The following SETD7 variants were observed in gnomAD, a reference collection of about 807,000 sequenced individuals.
The protein encoded by SETD7 is SET domain containing 7, histone lysine methyltransferase, also known as histone-lysine N-methyltransferase SETD7.
A neutral mutation model predicts 41.8 loss-of-function variants in SETD7; 16 were observed. The observed-to-expected ratio is 0.38, with a 90% CI of 0.26 to 0.58. The LOEUF (loss-of-function observed/expected upper bound fraction) is 0.58, where lower values mean the gene tolerates loss of function less well. Among genes scored for constraint, SETD7 ranks in the 20% least tolerant of loss-of-function variants. The probability of loss-of-function intolerance (pLI) is 0.64; values close to 1 mark genes in which losing one functional copy is unlikely to be tolerated. For synonymous variants in SETD7, 163 were observed against 169.7 expected, an observed-to-expected ratio of 0.96 and a Z score of 0.31; for missense variants, 346 against 459.7, an observed-to-expected ratio of 0.75 and a Z score of 2.26.
chr4:139,518,325 C>T (rs1727086111), intron 6 of SETD7, among the ~76,000 whole-genome samples: 1 of 152,116 alleles, frequency 6.6e-6, no homozygotes, highest in African/African-American at 2.4e-5. Flanking sequence ...GACGGGGTTT[C>T]ACCATGTTGG....
Position 139,507,620 on chromosome 4 carries a change from G to C in SETD7, c.*4043C>G, listed in dbSNP as rs796862793. On this transcript the variant is annotated 3_prime_UTR_variant, in exon 8 of 8. Coordinates refer to ENST00000274031, the MANE Select transcript of SETD7 (RefSeq NM_030648.4). ...CAAACACATTAAAATTTGTGAAAAG[G>C]GTTCCCACCCCTGTGGTTGTATGGC... The C allele has an allele frequency of 6.6e-6, 1 of 152,468 alleles. No homozygotes were observed. The highest frequency in any genetic ancestry group is 2.4e-5 in the African/African-American group (1 of 41,368). 9.4% of individuals were successfully genotyped at this position (152,468 alleles called of 1,614,324 possible). A position where few individuals can be genotyped will look rare whatever the true frequency, so the allele number is the denominator to read the frequency against.
chr4:139,522,741 C>CTTTTTTTTTTTTTTT (rs11357611), intron 5 of SETD7, among the ~76,000 whole-genome samples: 2 of 93,452 alleles, frequency 2.1e-5, no homozygotes, highest in Non-Finnish European at 3.8e-5. Flanking sequence ...CCCAGCTGCT[C>CTTTTTTTTTTTTTTT]TTTTTTTTTT....
intron 1 of SETD7, among the ~76,000 whole-genome samples, chr4:139,547,373 C>A (rs1727989920): frequency 6.6e-6 from 1 of 152,156 alleles, no homozygotes. Flanking sequence ...ATCTGCAGGG[C>A]ATGTCACAAT....
intron 5 of SETD7, among the ~76,000 whole-genome samples, chr4:139,522,739 CTCTTT>C (rs1363375247): frequency 2.2e-5 from 2 of 92,884 alleles, no homozygotes; most frequent in Non-Finnish European, 4.0e-5. Flanking sequence ...GGCCCAGCTG[CTCTTT>C]TTTTTTTTTT....
chr4:139,514,744 G>C (rs1442748515), intron 7 of SETD7, among the ~76,000 whole-genome samples: 1 of 152,236 alleles, frequency 6.6e-6, no homozygotes, highest in African/African-American at 2.4e-5. Flanking sequence ...CCAAACCTCT[G>C]TGCCAAGTGG....
At chr4:139,518,074 G>T in intron 6 of SETD7, 32 bp from the exon 7 acceptor site, 1 of 1,592,150 alleles carries the variant, frequency 6.3e-7, no homozygotes, top group Non-Finnish European at 8.5e-7. Context: ...GCCTTAGAGA[G>T]GACCTTTCTC....
chr4:139,509,874 T>C lies in SETD7; in HGVS notation c.*1789A>G. Reference sequence around the variant, plus strand: ...TCCTCTCATGGGTGAACCATTGGCTTAAGCTTTCAAGCAGGGATCCAACTG... The same window carrying C: ...TCCTCTCATGGGTGAACCATTGGCTCAAGCTTTCAAGCAGGGATCCAACTG... On this transcript the variant is annotated 3_prime_UTR_variant, in exon 8 of 8. Coordinates refer to ENST00000274031, the MANE Select transcript of SETD7 (RefSeq NM_030648.4). The C allele has an allele frequency of 2.0e-6, 2 of 985,406 alleles. No individual in the cohort carries two copies. The highest frequency in any genetic ancestry group is 2.4e-6 in the Non-Finnish European group (2 of 829,914). 61.0% of individuals were successfully genotyped at this position (985,406 alleles called of 1,614,324 possible). A position where few individuals can be genotyped will look rare whatever the true frequency, so the allele number is the denominator to read the frequency against.
intron 3 of SETD7, among the ~76,000 whole-genome samples, chr4:139,529,980 AT>A (rs1038365012): frequency 6.6e-6 from 1 of 152,246 alleles, no homozygotes; most frequent in South Asian, 2.1e-4. Flanking sequence ...TAACTCTTCC[AT>A]TTACTTCATT....
rs756975967 is a variant in SETD7 at position 139,511,618 on chromosome 4, A to T, written c.*45T>A. ...ATTGTCAGATAAACGTAGTGCATAG[A>T]TCCAAGTTTCTATTCCAGGTCTCTG... On this transcript the variant is annotated 3_prime_UTR_variant, in exon 8 of 8. Transcript: ENST00000274031. The T allele has an allele frequency of 3.7e-6, 6 of 1,611,996 alleles. No homozygotes were observed. The highest frequency in any genetic ancestry group is 1.3e-5 in the African/African-American group (1 of 74,716).
At chr4:139,505,060 C>T (rs62323111), downstream of SETD7, among the ~76,000 whole-genome samples, 13,828 of 152,080 alleles carry the variant, frequency 0.091, 816 homozygotes, top group South Asian at 0.17. Context: ...TCATCTCACT[C>T]GTTTCTGTTT....
chr4:139,521,387 T>C (rs1161192780), intron 5 of SETD7, among the ~76,000 whole-genome samples: 3 of 151,286 alleles, frequency 2.0e-5, no homozygotes, highest in Middle Eastern at 3.4e-3. Context: ...AATTGCACCA[T>C]TGCACTCCAG....
chr4:139,504,828 A>G (rs891707612), downstream of SETD7, among the ~76,000 whole-genome samples: 2 of 152,184 alleles, frequency 1.3e-5, no homozygotes, highest in Non-Finnish European at 2.9e-5. Context: ...ATCTTAACCC[A>G]TGAAAGTTGC....
chr4:139,534,024 G>T (rs1727567609), intron 2 of SETD7, among the ~76,000 whole-genome samples: 1 of 151,992 alleles, frequency 6.6e-6, no homozygotes, highest in Non-Finnish European at 1.5e-5. Context: ...CATGATCATG[G>T]CCAGTAGGGG....
At position 139,510,173 on chromosome 4, in the gene SETD7, A is replaced by G. The variant is rs1726830047; in HGVS notation, c.*1490T>C. On this transcript the variant is annotated 3_prime_UTR_variant, in exon 8 of 8. Transcript: ENST00000274031. ...TCAGCTGGAGCTCACTATCTGCTAC[A>G]GCTTGGAAGGCCTTCGCTTTCCAGA... The G allele has an allele frequency of 6.6e-6, 1 of 152,310 alleles. No individual in the cohort carries two copies. Among genetic ancestry groups the G allele is most frequent in the Admixed American group, 6.5e-5 (1 of 15,286 alleles). 9.4% of individuals were successfully genotyped at this position (152,310 alleles called of 1,614,324 possible).
intron 7 of SETD7, among the ~76,000 whole-genome samples, chr4:139,499,552 G>A (rs1726528509): frequency 6.6e-6 from 1 of 152,014 alleles, no homozygotes; most frequent in South Asian, 2.1e-4. Context: ...CTGGTCCCAA[G>A]ACCCCCCCTC....
At chr4:139,543,681 A>G (rs1029731701) in intron 2 of SETD7, among the ~76,000 whole-genome samples, 4 of 151,850 alleles carry the variant, frequency 2.6e-5, no homozygotes, top group Non-Finnish European at 5.9e-5. Context: ...GGGTGGGCGT[A>G]GTGGCTCACA....
rs1368584972 is a variant in SETD7, at chr4:139,511,810, G to A, written c.954C>T (p.Cys318=). Residue 318 remains cysteine, a synonymous_variant, in exon 8 of 8, where the codon TGC becomes TGT. Coordinates refer to ENST00000274031, the MANE Select transcript of SETD7 (RefSeq NM_030648.4). The part of the protein sequence containing the change: ...FVHPRFGPIK[C]IRTLRAVEAD... ...CCTCCACTGCTCTCAGGGTGCGGATGCATTTGATGGGCCCAAAACGGGGGT... is the reference window on the plus strand; with the variant it reads ...CCTCCACTGCTCTCAGGGTGCGGATACATTTGATGGGCCCAAAACGGGGGT... 2 of 1,613,668 alleles carry A rather than the reference G, an allele frequency of 1.2e-6. No homozygotes were observed. The highest frequency in any genetic ancestry group is 1.3e-5 in the African/African-American group (1 of 74,910).
intron 7 of SETD7, among the ~76,000 whole-genome samples, chr4:139,514,228 T>C (rs1238859146): frequency 6.6e-6 from 1 of 151,962 alleles, no homozygotes; most frequent in Non-Finnish European, 1.5e-5. Flanking sequence ...GAGGTTGCAG[T>C]GAGCTGACAT....
At chr4:139,500,594 C>A (rs1286296170) in intron 7 of SETD7, among the ~76,000 whole-genome samples, 2 of 152,148 alleles carry the variant, frequency 1.3e-5, no homozygotes, top group Non-Finnish European at 2.9e-5. Flanking sequence ...CTGCAACCTC[C>A]GCCTCCCAGT....
Sources: allele counts gnomAD v4.1 joint callset (sites outside exome capture counted in the v4.1 genomes callset), GRCh38; gene constraint gnomAD v4.1.1; transcripts MANE v1.5; gene names NCBI Gene and HGNC (gene_info 2026-07-23, HGNC 2026-07-21).